CCR6: variants seen among roughly 807,000 people sequenced by gnomAD.
The protein encoded by CCR6 is C-C chemokine receptor type 6.
CCR6 carries 2 observed loss-of-function variants against 3.0 expected under a neutral mutation model. That is an observed-to-expected ratio of 0.66 (90% CI 0.27 to 2.07). The LOEUF (loss-of-function observed/expected upper bound fraction) is 2.07. CCR6 is among the 30% of genes most tolerant of loss of function. The probability of loss-of-function intolerance (pLI) is 0.14; values close to 1 mark genes in which losing one functional copy is unlikely to be tolerated. For synonymous variants in CCR6, 193 were observed against 184.3 expected, an observed-to-expected ratio of 1.05 and a Z score of -0.38; for missense variants, 322 against 462.8, an observed-to-expected ratio of 0.70 and a Z score of 2.79.
chr6:167,128,000 C>T (rs565988931), intron 1 of CCR6, among the ~76,000 whole-genome samples: 7 of 152,350 alleles, frequency 4.6e-5, no homozygotes, highest in Middle Eastern at 3.4e-3. Flanking sequence ...CCACATGGCT[C>T]GGCTTGTGGC....
In CCR6 at chr6:167,136,928, G is replaced by T; in HGVS notation, c.698G>T (p.Cys233Phe). ...FFIPLMFMIFCYTFIVKTLVQ... is the reference protein window; with the variant it reads ...FFIPLMFMIFFYTFIVKTLVQ... ...ATCCCTTTGATGTTCATGATATTTT[G>T]TTACACGTTCATTGTCAAAACCTTG... Residue 233 changes from cysteine (C) to phenylalanine (F), a missense_variant, in exon 3 of 3, where the codon TGT becomes TTT. Physicochemically the swap from Cys to Phe is radical, Grantham distance 205. Coordinates refer to ENST00000341935, the MANE Select transcript of CCR6 (RefSeq NM_031409.4). The surrounding 1 kb of genome is among the most constrained non-coding windows in gnomAD (Gnocchi z 4.6). 6.2e-7 allele frequency: 1 copy of T among 1,614,118 alleles called. No homozygotes were observed. Among genetic ancestry groups the T allele is most frequent in the Non-Finnish European group, 8.5e-7 (1 of 1,180,034 alleles).
intron 1 of CCR6, among the ~76,000 whole-genome samples, chr6:167,133,693 G>A (rs180876887): frequency 0.011 from 1,636 of 150,738 alleles, 10 homozygotes; most frequent in Non-Finnish European, 0.017. Flanking sequence ...ATCGATTTGG[G>A]GAGAAATTAT....
At chr6:167,118,911 G>C (rs1781542196), upstream of CCR6, among the ~76,000 whole-genome samples, 1 of 152,174 alleles carries the variant, frequency 6.6e-6, no homozygotes, top group African/African-American at 2.4e-5. Context: ...TCTACTCTGT[G>C]ATGTCAGGCA....
In CCR6 at chr6:167,138,370, G is replaced by A. The variant is rs907360677; in HGVS notation, c.*1015G>A. ...ACAATGTAGAAAGAAGTTTTGTTCC[G>A]TTTCTTTAATGTGGTTGAAGAGCAA... On this transcript the variant is annotated 3_prime_UTR_variant, in exon 3 of 3. Transcript: ENST00000341935. The A allele has an allele frequency of 4.0e-5, 6 of 149,490 alleles. No individual in the cohort carries two copies. The highest frequency in any genetic ancestry group is 6.7e-5 in the Admixed American group (1 of 15,014). 9.3% of individuals were successfully genotyped at this position (149,490 alleles called of 1,614,324 possible).
chr6:167,122,494 C>T (rs1562556940), upstream of CCR6, among the ~76,000 whole-genome samples: 1 of 152,214 alleles, frequency 6.6e-6, no homozygotes, highest in South Asian at 2.1e-4. This position sits in a 1 kb window ranked among gnomAD's most constrained non-coding sequence, Gnocchi z 4.2. Flanking sequence ...AGGAGCTCCT[C>T]TGTTGCTCTC....
At chr6:167,133,932 G>GCATATATATATA (rs1781807910) in intron 1 of CCR6, among the ~76,000 whole-genome samples, 1 of 110,340 alleles carries the variant, frequency 9.1e-6, no homozygotes, top group Non-Finnish European at 1.7e-5. Flanking sequence ...ATATATGTGT[G>GCATATATATATA]TATATATATA....
intron 1 of CCR6, among the ~76,000 whole-genome samples, chr6:167,114,082 G>T (rs1371687658): frequency 6.6e-6 from 1 of 152,222 alleles, no homozygotes; most frequent in African/African-American, 2.4e-5. Context: ...CAACCGCATC[G>T]CAGCAGACAG....
chr6:167,128,115 C>T (rs1163895697), intron 1 of CCR6, among the ~76,000 whole-genome samples: 2 of 152,228 alleles, frequency 1.3e-5, no homozygotes, highest in African/African-American at 2.4e-5. Context: ...TCTAGGGACT[C>T]GTGATTGCAG....
At chr6:167,113,995 CTTATGAGCAGAGATCG>C (rs1781452822) in intron 1 of CCR6, among the ~76,000 whole-genome samples, 1 of 152,202 alleles carries the variant, frequency 6.6e-6, no homozygotes, top group African/African-American at 2.4e-5. Flanking sequence ...GACATGAGAT[CTTATGAGCAGAGATCG>C]TTAGGGCAGG....
chr6:167,124,108 T>G (rs1781630515), intron 1 of CCR6, among the ~76,000 whole-genome samples: 1 of 152,128 alleles, frequency 6.6e-6, no homozygotes. Context: ...CAAAGTCCAC[T>G]TAGCAGCAGG....
upstream of CCR6, among the ~76,000 whole-genome samples, chr6:167,120,389 C>T (rs1781567777): frequency 6.6e-6 from 1 of 152,184 alleles, no homozygotes; most frequent in South Asian, 2.1e-4. Flanking sequence ...TTCAACTTTG[C>T]TGATAATTTC....
intron 1 of CCR6, among the ~76,000 whole-genome samples, chr6:167,117,480 G>C (rs376651202): frequency 7.7e-6 from 1 of 130,704 alleles, no homozygotes; most frequent in Non-Finnish European, 1.5e-5. Context: ...GCAGTGGCAC[G>C]ATCTCGACTC....
intron 1 of CCR6, among the ~76,000 whole-genome samples, chr6:167,117,309 A>ATC (rs1781509724): frequency 1.3e-5 from 2 of 149,390 alleles, no homozygotes; most frequent in South Asian, 4.3e-4. Context: ...TGTTCGAGGG[A>ATC]TCTGGGCTGA....
chr6:167,121,855 T>G (rs1781592192), upstream of CCR6, among the ~76,000 whole-genome samples: 1 of 152,036 alleles, frequency 6.6e-6, no homozygotes, highest in Non-Finnish European at 1.5e-5. Context: ...TGACCATAGG[T>G]CTGCAAGCAC....
At chr6:167,134,095 T>C (rs906565703) in intron 1 of CCR6, among the ~76,000 whole-genome samples, 1 of 151,752 alleles carries the variant, frequency 6.6e-6, no homozygotes, top group African/African-American at 2.4e-5. Flanking sequence ...CATTTCTCAC[T>C]GTATTTGTTC....
upstream of CCR6, among the ~76,000 whole-genome samples, chr6:167,122,154 G>A (rs913125786): frequency 1.3e-5 from 2 of 152,276 alleles, no homozygotes; most frequent in African/African-American, 2.4e-5. This position sits in a 1 kb window ranked among gnomAD's most constrained non-coding sequence, Gnocchi z 4.2. Context: ...GTGGAGCCTC[G>A]TGGGCAGCCT....
At chr6:167,117,695 G>A (rs931283909) in intron 1 of CCR6, among the ~76,000 whole-genome samples, 1 of 152,064 alleles carries the variant, frequency 6.6e-6, no homozygotes, top group Non-Finnish European at 1.5e-5. Context: ...GATTACAGGC[G>A]TGAGCCACCG....
chr6:167,130,958 A>AC (rs1410524768), intron 1 of CCR6, among the ~76,000 whole-genome samples: 1 of 123,286 alleles, frequency 8.1e-6, no homozygotes, highest in Non-Finnish European at 1.7e-5. Flanking sequence ...TCCCTCCGGG[A>AC]CTCCTCCCTC....
intron 1 of CCR6, among the ~76,000 whole-genome samples, chr6:167,117,663 T>C (rs911816858): frequency 1.6e-4 from 25 of 151,672 alleles, no homozygotes; most frequent in Admixed American, 1.3e-3. Flanking sequence ...GATCCGCCCG[T>C]CTCAGCCTCC....
Sources: gnomAD v4.1 joint callset for allele counts (sites outside exome capture counted in the v4.1 genomes callset) on GRCh38, gnomAD v4.1.1 for gene constraint, Gnocchi (gnomAD v3.1) non-coding constraint, MANE v1.5 for transcripts, NCBI Gene and HGNC (gene_info 2026-07-23, HGNC 2026-07-21) for gene names.